Variants in PTCD1 observed in about 807,000 individuals in gnomAD.
PTCD1 encodes pentatricopeptide repeat-containing protein 1, mitochondrial.
A neutral mutation model predicts 53.4 loss-of-function variants in PTCD1; 50 were observed. The observed-to-expected ratio is 0.94, with a 90% CI of 0.75 to 1.19. The LOEUF (loss-of-function observed/expected upper bound fraction) is 1.19, where lower values mean the gene tolerates loss of function less well. Among genes scored for constraint, PTCD1 ranks in the 50% most tolerant of loss-of-function variants. The pLI, the probability that PTCD1 is intolerant of heterozygous loss-of-function variation, is 0.00. For missense variants in PTCD1, 918 were observed against 904.8 expected, an observed-to-expected ratio of 1.01 and a Z score of -0.19; for synonymous variants, 413 against 394.8, an observed-to-expected ratio of 1.05 and a Z score of -0.55.
chr7:99,426,291 C>T (rs1796020115), intron 5 of PTCD1, among the ~76,000 whole-genome samples: 1 of 152,166 alleles, frequency 6.6e-6, no homozygotes, highest in Non-Finnish European at 1.5e-5. Flanking sequence ...ACCTCCCTGC[C>T]TGATTCTCCT....
chr7:99,434,339 A>G (rs918457072), intron 2 of PTCD1, among the ~76,000 whole-genome samples: 5 of 151,798 alleles, frequency 3.3e-5, no homozygotes, highest in Non-Finnish European at 1.5e-5. Flanking sequence ...CCAGCTACTC[A>G]GGATGTTGAG....
intron 5 of PTCD1, among the ~76,000 whole-genome samples, chr7:99,428,414 A>C (rs554777472): frequency 6.6e-6 from 1 of 151,312 alleles, no homozygotes; most frequent in Admixed American, 6.6e-5. Context: ...AAAAAAAAAA[A>C]AAAAAATTAA....
At position 99,435,034 on chromosome 7, in the gene PTCD1, G is replaced by A. The variant is rs548457358; in HGVS notation, c.209C>T (p.Pro70Leu). ...CGTGGCCGTGGAGTTGGAGTGGCTC[G>A]GGTCAGAGCCCAGGCTGCCCGTGTT... ...QENTGSLGSDPSHSNSTATQE... is the reference protein window; with the variant it reads ...QENTGSLGSDLSHSNSTATQE... The change falls in exon 2 of 8, where the codon CCG becomes CTG. Residue 70 changes from proline to leucine, a missense_variant. By Grantham distance (98) the Pro-to-Leu change is moderately conservative. Coordinates refer to ENST00000292478, the MANE Select transcript of PTCD1 (RefSeq NM_015545.4). 9 of 1,613,750 alleles carry A rather than the reference G, an allele frequency of 5.6e-6. No homozygotes were observed. Among genetic ancestry groups the A allele is most frequent in the African/African-American group, 2.7e-5 (2 of 75,028 alleles).
chr7:99,426,909 C>T (rs1796050928), intron 5 of PTCD1, among the ~76,000 whole-genome samples: 1 of 151,426 alleles, frequency 6.6e-6, no homozygotes. Context: ...CCGGCCGCCC[C>T]GTCTGAGAAA....
At chr7:99,420,604 G>A (rs139012765) in intron 7 of PTCD1, among the ~76,000 whole-genome samples, 7 of 152,366 alleles carry the variant, frequency 4.6e-5, no homozygotes, top group African/African-American at 1.7e-4. Context: ...AGAGCTGGTA[G>A]GGGAATATAC....
chr7:99,418,968 T>G lies in PTCD1; in HGVS notation c.*999A>C, dbSNP rs2150941478. The G allele has an allele frequency of 5.5e-6, 1 of 182,986 alleles. No individual in the cohort carries two copies. The highest frequency in any genetic ancestry group is 2.4e-5 in the African/African-American group (1 of 42,254). The allele number at this position is 182,986 out of a possible 1,614,324, so 11.3% of individuals were successfully genotyped here. A position where few individuals can be genotyped will look rare whatever the true frequency, so the allele number is the denominator to read the frequency against. ...TGGGGGGCTCTGGGCCAGAAGGGTGTGACTCAAGTGCATAGTCTCCTGCCC... is the reference window on the plus strand; with the variant it reads ...TGGGGGGCTCTGGGCCAGAAGGGTGGGACTCAAGTGCATAGTCTCCTGCCC... On this transcript the variant is annotated 3_prime_UTR_variant, in exon 8 of 8. Coordinates refer to ENST00000292478, the MANE Select transcript of PTCD1 (RefSeq NM_015545.4).
chr7:99,420,473 T>A (rs916164958), intron 7 of PTCD1, among the ~76,000 whole-genome samples: 2 of 152,156 alleles, frequency 1.3e-5, no homozygotes, highest in Admixed American at 6.5e-5. Context: ...CAGCTCTGCC[T>A]CCACAGCCTG....
chr7:99,422,724 T>C (rs908072896), intron 7 of PTCD1, among the ~76,000 whole-genome samples: 2 of 152,180 alleles, frequency 1.3e-5, no homozygotes, highest in African/African-American at 4.8e-5. Context: ...CCAGATATGT[T>C]CAACGTGGGG....
intron 2 of PTCD1, among the ~76,000 whole-genome samples, chr7:99,434,365 G>C (rs1796374902): frequency 6.6e-6 from 1 of 151,532 alleles, no homozygotes; most frequent in African/African-American, 2.4e-5. Flanking sequence ...AGAATTGCTT[G>C]AATTCCCCAG....
intron 7 of PTCD1, among the ~76,000 whole-genome samples, chr7:99,421,780 T>C (rs1459176924): frequency 6.6e-6 from 1 of 151,990 alleles, no homozygotes; most frequent in African/African-American, 2.4e-5. Flanking sequence ...AAAATGCATC[T>C]ATTGCTGGCA....
intron 6 of PTCD1, among the ~76,000 whole-genome samples, 175 bp from the exon 7 acceptor site, chr7:99,424,132 C>G (rs930705400): frequency 6.6e-6 from 1 of 152,192 alleles, no homozygotes; most frequent in Non-Finnish European, 1.5e-5. Context: ...AGCCCAGCCC[C>G]TCTGCTCAGC....
chr7:99,419,274 A>T lies in PTCD1; in HGVS notation c.*693T>A, dbSNP rs111891712. 1.6e-6 allele frequency: 2 copies of T among 1,273,790 alleles called. No homozygotes were observed. The highest frequency in any genetic ancestry group is 2.9e-5 in the African/African-American group (2 of 68,404). 78.9% of individuals were successfully genotyped at this position (1,273,790 alleles called of 1,614,324 possible). A position where few individuals can be genotyped will look rare whatever the true frequency, so the allele number is the denominator to read the frequency against. On this transcript the variant is annotated 3_prime_UTR_variant, in exon 8 of 8. Transcript: ENST00000292478. ...CAGAGCTGTCAAGGAAGGGTTTCTGAGGTGTGTCCCTATATGGCATGGTGG... is the reference window on the plus strand; with the variant it reads ...CAGAGCTGTCAAGGAAGGGTTTCTGTGGTGTGTCCCTATATGGCATGGTGG...
In PTCD1 at chr7:99,419,292, C is replaced by T. The variant is rs56145748; in HGVS notation, c.*675G>A. 9.5e-4 allele frequency: 1,355 copies of T among 1,423,792 alleles called. 14 individuals are homozygous for T. In the African/African-American group the frequency reaches 0.016, roughly 17 times the overall value. The allele number at this position is 1,423,792 out of a possible 1,614,324, so 88.2% of individuals were successfully genotyped here. A position where few individuals can be genotyped will look rare whatever the true frequency, so the allele number is the denominator to read the frequency against. On this transcript the variant is annotated 3_prime_UTR_variant, in exon 8 of 8. Coordinates refer to ENST00000292478, the MANE Select transcript of PTCD1 (RefSeq NM_015545.4). The stretch of plus-strand genomic sequence containing the variant: ...GTTTCTGAGGTGTGTCCCTATATGG[C>T]ATGGTGGCAGGTCCTTCGTGGGAGG...
intron 7 of PTCD1, 24 bp from the exon 8 acceptor site, chr7:99,420,173 G>A (rs1227446025): frequency 1.2e-6 from 2 of 1,613,844 alleles, no homozygotes; most frequent in Admixed American, 1.7e-5. Flanking sequence ...AGTGAGGCTA[G>A]AATCACTCCT....
rs1028113187 is a variant in PTCD1 at position 99,418,814 on chromosome 7, T to TA, written c.*1152dup. The TA allele has an allele frequency of 1.3e-5, 2 of 153,178 alleles. No homozygotes were observed. Among genetic ancestry groups the TA allele is most frequent in the African/African-American group, 2.4e-5 (1 of 41,468 alleles). 9.5% of individuals were successfully genotyped at this position (153,178 alleles called of 1,614,324 possible). A position where few individuals can be genotyped will look rare whatever the true frequency, so the allele number is the denominator to read the frequency against. On this transcript the variant is annotated 3_prime_UTR_variant, in exon 8 of 8. Coordinates refer to ENST00000292478, the MANE Select transcript of PTCD1 (RefSeq NM_015545.4). ...GTTTCACCAGAGGATCCTGTTTACT[T>TA]AAACTATGGTCTTGTTCTTCCAAAA...
rs528401815 is a variant in PTCD1 at position 99,424,966 on chromosome 7, G to C, written c.1566C>G (p.Phe522Leu). ...TCTTCTTTCTCACCAGCGTGTTAAA[G>C]AATGTCAGGTCGGCCTCTACCTGGT... Reference protein sequence around the residue: ...DEHQVEADLTFFNTLVRKKSK... With the variant: ...DEHQVEADLTLFNTLVRKKSK... Residue 522 changes from phenylalanine (F) to leucine (L), a missense_variant, in exon 6 of 8, where the codon TTC (phenylalanine) becomes TTG (leucine). Transcript: ENST00000292478. The C allele has an allele frequency of 1.2e-6, 2 of 1,614,248 alleles. No individual in the cohort carries two copies. The highest frequency in any genetic ancestry group is 1.1e-5 in the South Asian group (1 of 91,090).
Position 99,419,065 on chromosome 7 carries a change from C to T in PTCD1, c.*902G>A. The T allele has an allele frequency of 2.9e-6, 1 of 346,468 alleles. No homozygotes were observed. The highest frequency in any genetic ancestry group is 6.8e-5 in the East Asian group (1 of 14,668). 21.5% of individuals were successfully genotyped at this position (346,468 alleles called of 1,614,324 possible). On this transcript the variant is annotated 3_prime_UTR_variant, in exon 8 of 8. Coordinates refer to ENST00000292478, the MANE Select transcript of PTCD1 (RefSeq NM_015545.4). ...CCAAACAGTAGCAGAGCCACGTCTGCTCATCGCAGGGTCTGTCATGCTCAC... is the reference window on the plus strand; with the variant it reads ...CCAAACAGTAGCAGAGCCACGTCTGTTCATCGCAGGGTCTGTCATGCTCAC...
chr7:99,433,334 T>C lies in PTCD1; in HGVS notation c.538A>G (p.Ile180Val). ...TAGCCAACCCGCCCGCAGCCCCCAATCAGCACCGTGTAGTTGCTCTCCATG... is the reference window on the plus strand; with the variant it reads ...TAGCCAACCCGCCCGCAGCCCCCAACCAGCACCGTGTAGTTGCTCTCCATG... ...QPMESNYTVL[I>V]GGCGRVGYLK... Residue 180 changes from isoleucine to valine, a missense_variant, in exon 3 of 8, where the codon ATT becomes GTT. Ile to Val is a conservative substitution (Grantham distance 29). Transcript: ENST00000292478. The C allele has an allele frequency of 6.2e-7, 1 of 1,614,118 alleles. No homozygotes were observed. Among genetic ancestry groups the C allele is most frequent in the African/African-American group, 1.3e-5 (1 of 75,014 alleles).
intron 5 of PTCD1, among the ~76,000 whole-genome samples, chr7:99,426,522 C>T (rs1338762280): frequency 1.3e-5 from 2 of 152,146 alleles, no homozygotes; most frequent in Admixed American, 6.5e-5. Context: ...AGTGCAGTGG[C>T]GTGATCTCGG....
Sources: allele counts gnomAD v4.1 joint callset (sites outside exome capture counted in the v4.1 genomes callset), GRCh38; gene constraint gnomAD v4.1.1; transcripts MANE v1.5; gene names NCBI Gene and HGNC (gene_info 2026-07-23, HGNC 2026-07-21).